Variants in KIF21A observed in about 807,000 individuals in gnomAD.
KIF21A encodes the protein kinesin family member 21A.
Under a neutral mutation model 202.9 loss-of-function variants are expected in KIF21A, and 114 were observed. The observed-to-expected ratio is 0.56, with a 90% CI of 0.48 to 0.66. KIF21A has a LOEUF of 0.66. Ranked by LOEUF, KIF21A falls within the 30% of genes least tolerant of loss-of-function variation. The pLI is 0.00. For synonymous variants in KIF21A, 667 were observed against 670.8 expected, an observed-to-expected ratio of 0.99 and a Z score of 0.09; for missense variants, 1,677 against 1,994.9, an observed-to-expected ratio of 0.84 and a Z score of 3.04.
chr12:39,355,707 T>TTATATACATATATATATATATATATATA (rs1948721573), intron 10 of KIF21A, among the ~76,000 whole-genome samples: 1 of 101,240 alleles, frequency 9.9e-6, no homozygotes, highest in African/African-American at 4.9e-5. Context: ...GCATGAACAA[T>TTATATACATATATATATATATATATATA]TATATATATA....
chr12:39,427,125 T>A (rs1488828387), intron 1 of KIF21A, among the ~76,000 whole-genome samples: 1 of 152,166 alleles, frequency 6.6e-6, no homozygotes, highest in Non-Finnish European at 1.5e-5. Flanking sequence ...CATCAAACTA[T>A]GTTGAGTGCA....
At position 39,323,066 on chromosome 12, in the gene KIF21A, G is replaced by C. The variant is rs111978844; in HGVS notation, c.3457-184C>G. ...CTATATAGCTAGATAAACCTTTAGA[G>C]GCCAAAATAATAGCCAACATTTGTA... On this transcript the variant is annotated intron_variant, in intron 26 of 37. Coordinates refer to ENST00000361418, the MANE Select transcript of KIF21A (RefSeq NM_001173464.2). Among the ~76,000 whole-genome samples the C allele has an allele frequency of 3.0e-3, 398 of 130,848 alleles. 3 individuals are homozygous for C. Among genetic ancestry groups the C allele is most frequent in the African/African-American group, 9.8e-3 (364 of 37,032 alleles). The allele number at this position is 130,848 out of a possible 152,430, so 85.8% of individuals were successfully genotyped here.
intron 27 of KIF21A, among the ~76,000 whole-genome samples, chr12:39,320,932 C>CA (rs59613512): frequency 0.3 from 4,747 of 15,966 alleles, 1,316 homozygotes; most frequent in African/African-American, 0.46. Flanking sequence ...AAGACTCTGC[C>CA]AAAAAAAAAA....
At chr12:39,358,141 T>C in intron 8 of KIF21A, 37 bp downstream of exon 8, 3 of 1,565,596 alleles carry the variant, frequency 1.9e-6, no homozygotes, top group African/African-American at 1.4e-5. Context: ...CAGCCTTAGA[T>C]GTATCACAAA....
At chr12:39,305,446 T>A (rs117212705) in intron 34 of KIF21A, among the ~76,000 whole-genome samples, 6,836 of 151,144 alleles carry the variant, frequency 0.045, 216 homozygotes, top group East Asian at 0.12. Flanking sequence ...TTCACAGGCA[T>A]GATCATGGCA....
intron 1 of KIF21A, among the ~76,000 whole-genome samples, chr12:39,379,879 T>C (rs1358696472): frequency 2.6e-5 from 4 of 152,238 alleles, no homozygotes; most frequent in African/African-American, 9.6e-5. Context: ...CAAACATTCC[T>C]AAATTATATT....
At chr12:39,440,844 T>G (rs886421887) in intron 1 of KIF21A, among the ~76,000 whole-genome samples, 1 of 151,964 alleles carries the variant, frequency 6.6e-6, no homozygotes, top group East Asian at 1.9e-4. Context: ...GGAGGCCCCA[T>G]ATCTACAAAA....
In KIF21A at chr12:39,332,242, G is replaced by T. The variant is rs1946569843; in HGVS notation, c.3023C>A (p.Ala1008Asp). Residue 1008 changes from alanine (A) to aspartate (D), a missense_variant, in exon 21 of 38, where the codon GCC becomes GAC. By Grantham distance (126) the Ala-to-Asp change is moderately radical. Around this residue, in one of 3 missense-constraint regions of KIF21A, gnomAD observed 705 missense variants for 791.9 expected, o/e 0.89. Coordinates refer to ENST00000361418, the MANE Select transcript of KIF21A (RefSeq NM_001173464.2). ...YINDSISDCQ[A>D]NIMQMEEAKE... is the part of the protein sequence containing the mutation. ...TGCTTCTTCCATCTGCATTATGTTGGCCTGACAATCAGAAATACTGTCATT... is the reference window on the plus strand; with the variant it reads ...TGCTTCTTCCATCTGCATTATGTTGTCCTGACAATCAGAAATACTGTCATT... 1 of 1,613,552 alleles carries T rather than the reference G, an allele frequency of 6.2e-7. No individual in the cohort carries two copies. The highest frequency in any genetic ancestry group is 1.1e-5 in the South Asian group (1 of 91,074).
At chr12:39,320,609 T>C (rs1945107738) in intron 27 of KIF21A, among the ~76,000 whole-genome samples, 1 of 151,554 alleles carries the variant, frequency 6.6e-6, no homozygotes, top group Non-Finnish European at 1.5e-5. Flanking sequence ...ATAATTTTTG[T>C]ATATGGTGGT....
chr12:39,426,965 G>A (rs907553041), intron 1 of KIF21A, among the ~76,000 whole-genome samples: 5 of 152,140 alleles, frequency 3.3e-5, no homozygotes, highest in Non-Finnish European at 7.4e-5. Context: ...TATAGTGGCT[G>A]GAGGGGCAAA....
At chr12:39,333,953 G>C (rs553280629) in intron 17 of KIF21A, among the ~76,000 whole-genome samples, 118 of 152,034 alleles carry the variant, frequency 7.8e-4, no homozygotes, top group African/African-American at 2.8e-3. Flanking sequence ...TGTAATCCCA[G>C]CACTTTGGGA....
intron 17 of KIF21A, among the ~76,000 whole-genome samples, chr12:39,333,537 G>C (rs938193734): frequency 6.6e-6 from 1 of 152,010 alleles, no homozygotes; most frequent in Non-Finnish European, 1.5e-5. Context: ...GATACATTTG[G>C]TGCTTACTAT....
intron 16 of KIF21A, 121 bp downstream of exon 16, chr12:39,340,044 A>G: frequency 2.7e-6 from 2 of 752,906 alleles, no homozygotes; most frequent in Non-Finnish European, 4.3e-6. Context: ...AAATTACATC[A>G]TTTGTAAGAT....
intron 34 of KIF21A, among the ~76,000 whole-genome samples, chr12:39,305,368 GA>G (rs539400060): frequency 0.016 from 1,284 of 78,788 alleles, 21 homozygotes; most frequent in African/African-American, 0.021. Flanking sequence ...TCCGACTCAA[GA>G]AAAAAAAAAA....
chr12:39,303,570 C>G (rs1222536403), intron 35 of KIF21A, among the ~76,000 whole-genome samples: 1 of 152,018 alleles, frequency 6.6e-6, no homozygotes, highest in Non-Finnish European at 1.5e-5. Context: ...CCCTTTTTTT[C>G]ACACTACTTT....
At chr12:39,399,221 T>C (rs886478587) in intron 1 of KIF21A, among the ~76,000 whole-genome samples, 1 of 152,230 alleles carries the variant, frequency 6.6e-6, no homozygotes, top group African/African-American at 2.4e-5. Flanking sequence ...ATTATTTACA[T>C]AGCATTTATA....
Position 39,301,597 on chromosome 12 carries a change from C to G in KIF21A, c.4814G>C (p.Gly1605Ala). 6.2e-7 allele frequency: 1 copy of G among 1,614,060 alleles called. No individual in the cohort carries two copies. The change falls in exon 37 of 38, where the codon GGG becomes GCG. Residue 1605 changes from glycine to alanine, a missense_variant. Physicochemically the swap from Gly to Ala is moderately conservative, Grantham distance 60. Around this residue, in one of 3 missense-constraint regions of KIF21A, gnomAD observed 705 missense variants for 791.9 expected, o/e 0.89. Coordinates refer to ENST00000361418, the MANE Select transcript of KIF21A (RefSeq NM_001173464.2). ...DHPVLLSGCR[G>A]GILKVWNMDT... ...CATGTTCCAGACTTTCAAAATGCCC[C>G]CTCTGCAGCCACTGAGCAAAACTGG...
At chr12:39,438,895 T>C (rs1939184148) in intron 1 of KIF21A, among the ~76,000 whole-genome samples, 2 of 152,208 alleles carry the variant, frequency 1.3e-5, no homozygotes, top group South Asian at 2.1e-4. Flanking sequence ...CTTTATCTTT[T>C]TGAGTTAACT....
intron 1 of KIF21A, among the ~76,000 whole-genome samples, chr12:39,415,465 C>T (rs933335772): frequency 6.6e-6 from 1 of 152,078 alleles, no homozygotes; most frequent in Admixed American, 6.5e-5. Flanking sequence ...TGGTCTCGAT[C>T]TCCTCAACTC....
Sources: allele counts gnomAD v4.1 joint callset (sites outside exome capture counted in the v4.1 genomes callset), GRCh38; gene constraint gnomAD v4.1.1; regional missense constraint gnomAD v4.1.1; transcripts MANE v1.5; gene names NCBI Gene and HGNC (gene_info 2026-07-23, HGNC 2026-07-21).